The following CCDC93 variants were observed in gnomAD, a reference collection of about 807,000 sequenced individuals.
CCDC93 encodes the protein CCC complex scaffolding subunit CCDC93.
In CCDC93, 61 loss-of-function variants were observed where a neutral mutation model predicts 108.2. The observed-to-expected ratio is 0.56, with a 90% confidence interval of 0.46 to 0.70. CCDC93 has a LOEUF of 0.70. CCDC93 is among the 30% of genes least tolerant of loss of function. The pLI is 0.00. For synonymous variants in CCDC93, 276 were observed against 260.4 expected (o/e 1.06, Z -0.58); for missense variants, 685 against 764.2 (o/e 0.90, Z 1.22).
intron 3 of CCDC93, among the ~76,000 whole-genome samples, chr2:118,001,365 A>G (rs1680847187): frequency 6.6e-6 from 1 of 152,124 alleles, no homozygotes. Context: ...TAATTACCAG[A>G]CCTTACACCA....
chr2:117,929,571 A>G (rs1479066551), intron 23 of CCDC93, among the ~76,000 whole-genome samples: 1 of 152,164 alleles, frequency 6.6e-6, no homozygotes, highest in Non-Finnish European at 1.5e-5. Flanking sequence ...ATCCTCCTCA[A>G]CTTGCTTTTT....
At chr2:117,944,456 A>G (rs761707271) in intron 17 of CCDC93, among the ~76,000 whole-genome samples, 6 of 152,160 alleles carry the variant, frequency 3.9e-5, no homozygotes, top group Non-Finnish European at 7.3e-5. Flanking sequence ...CTATGTTTCT[A>G]CTTAGAGCTG....
chr2:117,979,990 A>G (rs551374456), intron 7 of CCDC93, among the ~76,000 whole-genome samples: 2 of 152,214 alleles, frequency 1.3e-5, no homozygotes, highest in Admixed American at 1.3e-4. Context: ...ATCACAGTAG[A>G]AACAGCCAGG....
intron 6 of CCDC93, among the ~76,000 whole-genome samples, chr2:117,992,291 G>A (rs1477311072): frequency 6.6e-6 from 1 of 152,106 alleles, no homozygotes; most frequent in Non-Finnish European, 1.5e-5. Flanking sequence ...CACCCAGGGT[G>A]GAGTATAGTG....
At chr2:117,974,728 A>G in intron 10 of CCDC93, 122 bp downstream of exon 10, 1 of 685,820 alleles carries the variant, frequency 1.5e-6, no homozygotes, top group South Asian at 1.8e-5. Context: ...TCCCTGGGGA[A>G]GAGGAGGTAC....
At chr2:118,004,644 T>C (rs1181271282) in intron 3 of CCDC93, among the ~76,000 whole-genome samples, 1 of 152,220 alleles carries the variant, frequency 6.6e-6, no homozygotes, top group Non-Finnish European at 1.5e-5. Context: ...GATTTTTAGA[T>C]GACTCAGTAC....
At chr2:118,013,822 C>A in intron 1 of CCDC93, 132 bp downstream of exon 1, 1 of 788,268 alleles carries the variant, frequency 1.3e-6, no homozygotes, top group Non-Finnish European at 1.9e-6. Flanking sequence ...CGGCGCTTCC[C>A]TGAGGTGGAT....
chr2:117,961,641 AG>A (rs1192919095), intron 11 of CCDC93, among the ~76,000 whole-genome samples: 1 of 152,242 alleles, frequency 6.6e-6, no homozygotes, highest in Non-Finnish European at 1.5e-5. Flanking sequence ...TGATGAAGAC[AG>A]GAACAGGTCC....
At chr2:118,011,708 C>T (rs1677026014) in intron 1 of CCDC93, among the ~76,000 whole-genome samples, 1 of 152,112 alleles carries the variant, frequency 6.6e-6, no homozygotes, top group Non-Finnish European at 1.5e-5. Context: ...TGCCTCAACA[C>T]CTATCTAATG....
intron 23 of CCDC93, among the ~76,000 whole-genome samples, chr2:117,928,683 A>G (rs1398121037): frequency 6.6e-6 from 1 of 152,238 alleles, no homozygotes; most frequent in Non-Finnish European, 1.5e-5. Flanking sequence ...TAGTTCAACC[A>G]TTGTGGAAGT....
chr2:117,991,480 T>TA (rs778234778), intron 6 of CCDC93, among the ~76,000 whole-genome samples: 99 of 152,352 alleles, frequency 6.5e-4, no homozygotes, highest in Non-Finnish European at 1.2e-3. Context: ...CCTGCTGTGT[T>TA]AGAGTCAGGT....
intron 8 of CCDC93, among the ~76,000 whole-genome samples, chr2:117,977,120 A>T (rs1679968573): frequency 6.6e-6 from 1 of 151,874 alleles, no homozygotes; most frequent in Non-Finnish European, 1.5e-5. Context: ...TTGTATTTTT[A>T]GTAGAGACGG....
intron 23 of CCDC93, among the ~76,000 whole-genome samples, chr2:117,923,541 A>G (rs1677961173): frequency 6.6e-6 from 1 of 152,170 alleles, no homozygotes; most frequent in Non-Finnish European, 1.5e-5. Flanking sequence ...CTGAGATCAA[A>G]CTGCAAGGCG....
chr2:117,995,189 C>T (rs1264482098), intron 6 of CCDC93, among the ~76,000 whole-genome samples: 1 of 152,190 alleles, frequency 6.6e-6, no homozygotes, highest in African/African-American at 2.4e-5. Context: ...CTAGGAAGGG[C>T]TCTGTGTTTG....
chr2:117,936,668 G>A, intron 21 of CCDC93, 34 bp downstream of exon 21: 1 of 1,574,790 alleles, frequency 6.4e-7, no homozygotes, highest in Non-Finnish European at 8.7e-7. Context: ...AGGCCGGCAG[G>A]GTATTAGTGG....
rs138260359 is a variant in CCDC93, at chr2:117,962,693, A to G, written c.889-4212T>C. 5.5e-3 allele frequency among the ~76,000 whole-genome samples: 841 copies of G among 152,342 alleles called. 2 individuals carry two copies. The highest frequency in any genetic ancestry group is 0.019 in the African/African-American group (771 of 41,572). ...CAGACTATGTGAAATATTTATTTAA[A>G]AATGTTTTTAAATCTAAGAACTAGC... On this transcript the variant is annotated intron_variant, in intron 11 of 23. Transcript: ENST00000376300.
chr2:117,993,532 T>C (rs1201838087), intron 6 of CCDC93, among the ~76,000 whole-genome samples: 1 of 152,020 alleles, frequency 6.6e-6, no homozygotes, highest in African/African-American at 2.4e-5. Context: ...ACAGAGATTA[T>C]AGGAAAAAGA....
At chr2:117,930,943 G>A in intron 23 of CCDC93, 94 bp downstream of exon 23, 1 of 764,824 alleles carries the variant, frequency 1.3e-6, no homozygotes, top group Non-Finnish European at 2.2e-6. Flanking sequence ...ACAGACCAGA[G>A]GAAAACCAAA....
At chr2:117,965,809 G>A (rs1340182765) in intron 11 of CCDC93, among the ~76,000 whole-genome samples, 2 of 151,892 alleles carry the variant, frequency 1.3e-5, no homozygotes, top group Non-Finnish European at 2.9e-5. Flanking sequence ...ACAGGTGTTT[G>A]CTGAAAGAAG....
Sources: gnomAD v4.1 joint callset for allele counts (sites outside exome capture counted in the v4.1 genomes callset) on GRCh38, gnomAD v4.1.1 for gene constraint, MANE v1.5 for transcripts, NCBI Gene and HGNC (gene_info 2026-07-23, HGNC 2026-07-21) for gene names.